PSD3: variants seen among roughly 807,000 people sequenced by gnomAD.
The protein encoded by PSD3 is pleckstrin and Sec7 domain containing 3.
In PSD3, 49 loss-of-function variants were observed where a neutral mutation model predicts 105.5. The observed-to-expected ratio is 0.46, with a 90% confidence interval of 0.37 to 0.59. The LOEUF (loss-of-function observed/expected upper bound fraction) is 0.59, where lower values mean the gene tolerates loss of function less well. PSD3 is among the 20% of genes least tolerant of loss of function. The probability of loss-of-function intolerance (pLI) is 0.00; values close to 1 mark genes in which losing one functional copy is unlikely to be tolerated. For synonymous variants in PSD3, 557 were observed against 457.8 expected (o/e 1.22, Z -2.77); for missense variants, 1,561 against 1,263.8 (o/e 1.24, Z -3.57).
At chr8:18,944,656 C>T (rs1055507283) in intron 1 of PSD3, among the ~76,000 whole-genome samples, 3 of 151,754 alleles carry the variant, frequency 2.0e-5, no homozygotes, top group African/African-American at 4.8e-5. Flanking sequence ...CTCTTAGTAA[C>T]GAATTATTAC....
rs1799472376 is a variant in PSD3, at chr8:18,527,515, C to A, written c.*8228G>T. ...CATAAACATTTACACAATAAATGTA[C>A]TCTATATATCACAGCTTCTATACAT... On this transcript the variant is annotated 3_prime_UTR_variant, in exon 16 of 16. Transcript: ENST00000327040. The A allele has an allele frequency of 6.6e-6, 1 of 152,556 alleles. No homozygotes were observed. The highest frequency in any genetic ancestry group is 6.5e-5 in the Admixed American group (1 of 15,280). 9.5% of individuals were successfully genotyped at this position (152,556 alleles called of 1,614,324 possible).
chr8:18,743,279 C>A (rs1342708793), intron 9 of PSD3, among the ~76,000 whole-genome samples: 1 of 152,104 alleles, frequency 6.6e-6, no homozygotes, highest in Non-Finnish European at 1.5e-5. Flanking sequence ...CCAACATACT[C>A]CTACAGCTTC....
At position 18,799,421 on chromosome 8, in the gene PSD3, C is replaced by G. The variant is rs372545711; in HGVS notation, c.2024-68G>C. The G allele has an allele frequency of 7.0e-5, 85 of 1,211,650 alleles. No homozygotes were observed. In the African/African-American group the frequency reaches 1.2e-3, roughly 17 times the overall value. 75.1% of individuals were successfully genotyped at this position (1,211,650 alleles called of 1,614,324 possible). A position where few individuals can be genotyped will look rare whatever the true frequency, so the allele number is the denominator to read the frequency against. On this transcript the variant is annotated intron_variant, in intron 7 of 15. Coordinates refer to ENST00000327040, the MANE Select transcript of PSD3 (RefSeq NM_015310.4). ...ACTGTTGGACTCCACCTTATTATCA[C>G]TAATAGGATACACTCAGAACCTATG...
At chr8:18,682,522 C>T (rs76624655) in intron 9 of PSD3, among the ~76,000 whole-genome samples, 3,502 of 152,194 alleles carry the variant, frequency 0.023, 61 homozygotes, top group African/African-American at 0.043. Flanking sequence ...TTTGAAGACA[C>T]GTTTCTCTCT....
chr8:18,813,084 T>C (rs1811838806), intron 4 of PSD3, among the ~76,000 whole-genome samples: 1 of 152,084 alleles, frequency 6.6e-6, no homozygotes, highest in Non-Finnish European at 1.5e-5. Flanking sequence ...TGTGTGAATA[T>C]GAAGGAAAAG....
chr8:18,998,381 G>A (rs1003234893), intron 1 of PSD3, among the ~76,000 whole-genome samples: 1 of 151,920 alleles, frequency 6.6e-6, no homozygotes, highest in Non-Finnish European at 1.5e-5. Context: ...TGCTTCACCA[G>A]AGCTCATTTA....
intron 9 of PSD3, among the ~76,000 whole-genome samples, chr8:18,749,311 C>T (rs1805286785): frequency 1.3e-5 from 2 of 152,204 alleles, no homozygotes; most frequent in Non-Finnish European, 2.9e-5. Flanking sequence ...AGCTCTATAG[C>T]ACCCATCGGA....
chr8:18,800,729 G>C (rs1261016545), intron 7 of PSD3, among the ~76,000 whole-genome samples: 1 of 152,132 alleles, frequency 6.6e-6, no homozygotes, highest in African/African-American at 2.4e-5. Flanking sequence ...AAAGTTTGTG[G>C]TCAGTATAGT....
At chr8:18,780,263 G>A (rs1034765807) in intron 8 of PSD3, among the ~76,000 whole-genome samples, 1 of 152,094 alleles carries the variant, frequency 6.6e-6, no homozygotes, top group Non-Finnish European at 1.5e-5. Context: ...TGTTTGCATG[G>A]ATTATCTTTT....
intron 9 of PSD3, among the ~76,000 whole-genome samples, chr8:18,672,726 T>A (rs1219399000): frequency 6.6e-6 from 1 of 152,230 alleles, no homozygotes; most frequent in African/African-American, 2.4e-5. Context: ...AGCCTTTCAC[T>A]GATATTTTGC....
intron 12 of PSD3, among the ~76,000 whole-genome samples, chr8:18,586,299 C>A (rs1326238870): frequency 6.6e-6 from 1 of 152,038 alleles, no homozygotes; most frequent in African/African-American, 2.4e-5. Context: ...TTCAGCTGTG[C>A]CTAGTTTTCC....
upstream of PSD3, among the ~76,000 whole-genome samples, chr8:19,016,452 C>A (rs1346343335): frequency 2.6e-5 from 4 of 152,106 alleles, no homozygotes; most frequent in Non-Finnish European, 1.5e-5. Context: ...CTGAAAAGCC[C>A]AGATTATTGA....
chr8:18,729,331 G>T (rs1276693439), intron 9 of PSD3, among the ~76,000 whole-genome samples: 3 of 152,166 alleles, frequency 2.0e-5, no homozygotes, highest in Non-Finnish European at 4.4e-5. Context: ...CAATTTCTCT[G>T]TTGCATCAGA....
intron 5 of PSD3, 35 bp downstream of exon 5, chr8:18,804,669 G>C: frequency 6.2e-7 from 1 of 1,612,050 alleles, no homozygotes; most frequent in Non-Finnish European, 8.5e-7. Flanking sequence ...CAAAACAGGA[G>C]AGAATTCAGA....
chr8:18,762,092 A>G (rs768840642), intron 9 of PSD3, among the ~76,000 whole-genome samples: 1 of 152,216 alleles, frequency 6.6e-6, no homozygotes, highest in Non-Finnish European at 1.5e-5. Context: ...TGTCCCCACC[A>G]AAACTCATGT....
chr8:18,894,459 T>C (rs141688693), intron 2 of PSD3, among the ~76,000 whole-genome samples: 7,160 of 152,260 alleles, frequency 0.047, 205 homozygotes, highest in South Asian at 0.081. Flanking sequence ...AGTTCCGTTG[T>C]GTGAGAAGGA....
chr8:18,583,596 C>A, intron 12 of PSD3, among the ~76,000 whole-genome samples: 1 of 152,110 alleles, frequency 6.6e-6, no homozygotes, highest in South Asian at 2.1e-4. Flanking sequence ...ATCTAAGTAT[C>A]CATACACGTT....
intron 1 of PSD3, among the ~76,000 whole-genome samples, chr8:18,940,654 T>TG (rs1822475741): frequency 6.6e-6 from 1 of 152,214 alleles, no homozygotes; most frequent in East Asian, 1.9e-4. Context: ...ACCCCAGTTC[T>TG]GGGAATGCCT....
intron 1 of PSD3, among the ~76,000 whole-genome samples, chr8:19,029,660 GGGTTCCTCTTACCACA>G (rs1827688533): frequency 6.6e-6 from 1 of 152,052 alleles, no homozygotes; most frequent in South Asian, 2.1e-4. Context: ...ACCTCCCAAT[GGGTTCCTCTTACCACA>G]GGGAACTACA....
Sources: gnomAD v4.1 joint callset for allele counts (sites outside exome capture counted in the v4.1 genomes callset) on GRCh38, gnomAD v4.1.1 for gene constraint, MANE v1.5 for transcripts, NCBI Gene and HGNC (gene_info 2026-07-23, HGNC 2026-07-21) for gene names.